MAP1B: variants seen among roughly 807,000 people sequenced by gnomAD.
MAP1B encodes the protein microtubule associated protein 1B.
In MAP1B, 12 loss-of-function variants were observed where a neutral mutation model predicts 176.1. The ratio of observed to expected loss-of-function variants is 0.07; its 90% CI spans 0.04 to 0.11. The LOEUF is 0.11. MAP1B is among the 10% of genes least tolerant of loss of function. MAP1B has a pLI of 1.00. For synonymous variants in MAP1B, 1,044 were observed against 1,135.0 expected (o/e 0.92, Z 1.61); for missense variants, 2,523 against 2,990.5 (o/e 0.84, Z 3.65).
Position 72,200,230 on chromosome 5 carries a change from A to C in MAP1B, c.6875A>C (p.Lys2292Thr). 6.2e-7 allele frequency: 1 copy of C among 1,614,224 alleles called. No individual in the cohort carries two copies. Among genetic ancestry groups the C allele is most frequent in the Non-Finnish European group, 8.5e-7 (1 of 1,180,030 alleles). ...GTGTCCAGGGTGGCTTCTCCTAAGA[A>C]GAAAGAATCTGTGGAAAAGGCAGCA... Reference protein sequence around the residue: ...DKVSRVASPKKKESVEKAAKP... With the variant: ...DKVSRVASPKTKESVEKAAKP... The change falls in exon 5 of 7, where the codon AAG becomes ACG. Residue 2292 changes from lysine to threonine, a missense_variant. This residue lies in a region of MAP1B where 287 missense variants were observed against 401.5 expected (regional missense o/e 0.71). Coordinates refer to ENST00000296755, the MANE Select transcript of MAP1B (RefSeq NM_005909.5).
At chr5:72,184,934 A>G (rs577269889) in intron 3 of MAP1B, among the ~76,000 whole-genome samples, 16 of 152,318 alleles carry the variant, frequency 1.1e-4, no homozygotes, top group African/African-American at 3.1e-4. Context: ...GAATACGTCT[A>G]TCACGCCCCA....
chr5:72,154,148 T>G lies in MAP1B; in HGVS notation c.287-29595T>G, dbSNP rs771784976. ...CATTTTCTTTATGACTCGTCTCTTA[T>G]TCCTAGCTCATTCTCGTGTGTCTAT... On this transcript the variant is annotated intron_variant, in intron 2 of 6. Coordinates refer to ENST00000296755, the MANE Select transcript of MAP1B (RefSeq NM_005909.5). 1.6e-4 allele frequency among the ~76,000 whole-genome samples: 24 copies of G among 152,218 alleles called. 1 individual carries two copies. Among genetic ancestry groups the G allele is most frequent in the African/African-American group, 4.8e-5 (2 of 41,448 alleles).
Position 72,198,952 on chromosome 5 carries a change from G to A in MAP1B, c.5597G>A (p.Gly1866Asp), listed in dbSNP as rs902731175. The change falls in exon 5 of 7, where the codon GGT (glycine) becomes GAT (aspartate). Residue 1866 changes from glycine to aspartate, a missense_variant. By Grantham distance (94) the Gly-to-Asp change is moderately conservative. Transcript: ENST00000296755. Reference sequence around the variant, plus strand: ...AAGGACAGTGGAGGGAAGACACCTGGTGACTTTAGCTATGCCTATCAAAAG... The same window carrying A: ...AAGGACAGTGGAGGGAAGACACCTGATGACTTTAGCTATGCCTATCAAAAG... Reference protein sequence around the residue: ...LEKDSGGKTPGDFSYAYQKPE... With the variant: ...LEKDSGGKTPDDFSYAYQKPE... 6 of 1,614,164 alleles carry A rather than the reference G, an allele frequency of 3.7e-6. No individual in the cohort carries two copies. Among genetic ancestry groups the A allele is most frequent in the Non-Finnish European group, 5.1e-6 (6 of 1,180,030 alleles).
At chr5:72,125,015 A>G (rs761993420) in intron 2 of MAP1B, among the ~76,000 whole-genome samples, 7 of 152,248 alleles carry the variant, frequency 4.6e-5, no homozygotes, top group Admixed American at 1.3e-4. Context: ...TCCTTAGTGC[A>G]GAGCCATTTT....
In MAP1B at chr5:72,207,050, C is replaced by T. The variant is rs998894878; in HGVS notation, c.*1811C>T. 1.3e-5 allele frequency: 2 copies of T among 152,088 alleles called. No homozygotes were observed. The highest frequency in any genetic ancestry group is 6.5e-5 in the Admixed American group (1 of 15,270). The allele number at this position is 152,088 out of a possible 1,614,324, so 9.4% of individuals were successfully genotyped here. On this transcript the variant is annotated 3_prime_UTR_variant, in exon 7 of 7. Coordinates refer to ENST00000296755, the MANE Select transcript of MAP1B (RefSeq NM_005909.5). ...GAAAAAAAAAATAAAAGAAATAGTA[C>T]ATTGAAAACAAATGAATTCTCAACT...
intron 4 of MAP1B, among the ~76,000 whole-genome samples, chr5:72,192,532 G>T (rs1231633041): frequency 6.6e-6 from 1 of 152,172 alleles, no homozygotes; most frequent in Non-Finnish European, 1.5e-5. Context: ...TCGAATATAG[G>T]AAAACTCAGA....
rs1014038990 is a variant in MAP1B at position 72,180,023 on chromosome 5, G to A, written c.287-3720G>A. Reference sequence around the variant, plus strand: ...CTGCCAGGGGCCACCTCGGCAGCAGGCGAGCTCACTGTGTGTTTGGGGAAG... The same window carrying A: ...CTGCCAGGGGCCACCTCGGCAGCAGACGAGCTCACTGTGTGTTTGGGGAAG... On this transcript the variant is annotated intron_variant, in intron 2 of 6. Coordinates refer to ENST00000296755, the MANE Select transcript of MAP1B (RefSeq NM_005909.5). 3.1e-5 allele frequency: 22 copies of A among 699,294 alleles called. No homozygotes were observed. The South Asian group carries it at 5.2e-4, about 16-fold the overall frequency. 43.3% of individuals were successfully genotyped at this position (699,294 alleles called of 1,614,324 possible). A position where few individuals can be genotyped will look rare whatever the true frequency, so the allele number is the denominator to read the frequency against.
In MAP1B at chr5:72,107,634, A is replaced by C; in HGVS notation, c.103A>C (p.Ser35Arg). The change falls in exon 1 of 7, where the codon AGC becomes CGC. Residue 35 changes from serine (S) to arginine (R), a missense_variant. Ser to Arg is a moderately radical substitution (Grantham distance 110). This residue lies in a region of MAP1B where 307 missense variants were observed against 438.4 expected (regional missense o/e 0.70). Transcript: ENST00000296755. ...SPSLSHRFLD[S>R]KFYLLVVVGE... Reference sequence around the variant, plus strand: ...TAGCCTGTCGCACCGCTTCCTTGACAGCAAGTTCTACTTGCTGGTGGTCGT... The same window carrying C: ...TAGCCTGTCGCACCGCTTCCTTGACCGCAAGTTCTACTTGCTGGTGGTCGT... 2 of 1,600,372 alleles carry C rather than the reference A, an allele frequency of 1.2e-6. No homozygotes were observed.
intron 2 of MAP1B, among the ~76,000 whole-genome samples, chr5:72,134,590 A>T (rs374057018): frequency 8.6e-5 from 13 of 151,288 alleles, no homozygotes; most frequent in Admixed American, 3.9e-4. Flanking sequence ...TTTTTTTTTT[A>T]AAGAAAACTT....
rs114841729 is a variant in MAP1B at position 72,136,069 on chromosome 5, C to T, written c.286+20270C>T. On this transcript the variant is annotated intron_variant, in intron 2 of 6. Transcript: ENST00000296755. Reference sequence around the variant, plus strand: ...CCATCTGAATCACCTGTCCTGATGCCCTTGTGTGGAATAAAGGAGAAGGCA... The same window carrying T: ...CCATCTGAATCACCTGTCCTGATGCTCTTGTGTGGAATAAAGGAGAAGGCA... 7.4e-3 allele frequency among the ~76,000 whole-genome samples: 1,124 copies of T among 152,176 alleles called. 7 individuals carry two copies. Among genetic ancestry groups the T allele is most frequent in the Non-Finnish European group, 0.013 (868 of 68,010 alleles).
At chr5:72,178,725 G>GGT (rs34082751) in intron 2 of MAP1B, among the ~76,000 whole-genome samples, 30,951 of 140,290 alleles carry the variant, frequency 0.22, 3,207 homozygotes, top group East Asian at 0.29. Context: ...GCCTCTGAGG[G>GGT]GTGTGTGTGT....
intron 1 of MAP1B, among the ~76,000 whole-genome samples, chr5:72,108,932 G>C (rs922566411): frequency 6.6e-6 from 1 of 152,234 alleles, no homozygotes; most frequent in Non-Finnish European, 1.5e-5. Flanking sequence ...TTCTCCTGGG[G>C]TGGTGCTGAA....
chr5:72,134,653 A>G (rs1437786148), intron 2 of MAP1B, among the ~76,000 whole-genome samples: 1 of 152,006 alleles, frequency 6.6e-6, no homozygotes, highest in Non-Finnish European at 1.5e-5. Flanking sequence ...TATACTCTGT[A>G]GTGGCACTCT....
intron 4 of MAP1B, among the ~76,000 whole-genome samples, chr5:72,190,393 A>T (rs1042680956): frequency 6.6e-6 from 1 of 152,238 alleles, no homozygotes; most frequent in Non-Finnish European, 1.5e-5. Flanking sequence ...TTGACTGTCA[A>T]CTAAAATCCC....
intron 2 of MAP1B, among the ~76,000 whole-genome samples, chr5:72,135,298 A>G (rs764130658): frequency 6.6e-6 from 1 of 152,180 alleles, no homozygotes; most frequent in Non-Finnish European, 1.5e-5. Context: ...TATGCCTGGT[A>G]CCTATCAACC....
chr5:72,177,402 G>A (rs551899805), intron 2 of MAP1B, among the ~76,000 whole-genome samples: 2 of 149,340 alleles, frequency 1.3e-5, no homozygotes, highest in East Asian at 3.9e-4. Context: ...AGAACCACCT[G>A]GGGGCTGCTT....
At position 72,194,622 on chromosome 5, in the gene MAP1B, T is replaced by C; in HGVS notation, c.1267T>C (p.Tyr423His). 1.2e-6 allele frequency: 2 copies of C among 1,614,138 alleles called. No individual in the cohort carries two copies. The highest frequency in any genetic ancestry group is 1.7e-6 in the Non-Finnish European group (2 of 1,180,038). The change falls in exon 5 of 7, where the codon TAT (tyrosine) becomes CAT (histidine). Residue 423 changes from tyrosine (Y) to histidine (H), a missense_variant. Physicochemically the swap from Tyr to His is moderately conservative, Grantham distance 83. Around this residue, in one of 4 missense-constraint regions of MAP1B, gnomAD observed 1,925 missense variants for 2,126.0 expected, o/e 0.91. Transcript: ENST00000296755. This position sits in a 1 kb window ranked among gnomAD's most constrained non-coding sequence, Gnocchi z 7.2. ...QKMGVGKLEM[Y>H]VLNPVKSSKE... is the part of the protein sequence containing the mutation. ...AATGGGAGTAGGTAAACTTGAGATG[T>C]ATGTGCTTAATCCAGTCAAGAGCAG...
chr5:72,183,874 T>C, intron 3 of MAP1B, 49 bp downstream of exon 3: 1 of 1,512,664 alleles, frequency 6.6e-7, no homozygotes, highest in Non-Finnish European at 9.2e-7. Flanking sequence ...ACACACTGGA[T>C]AGGGACCCAG....
chr5:72,109,998 G>C (rs1368039165), intron 1 of MAP1B, among the ~76,000 whole-genome samples: 1 of 152,158 alleles, frequency 6.6e-6, no homozygotes, highest in African/African-American at 2.4e-5. Flanking sequence ...ATGAAGAAGG[G>C]CTCCCTGCCT....
Sources: allele counts gnomAD v4.1 joint callset (sites outside exome capture counted in the v4.1 genomes callset), GRCh38; gene constraint gnomAD v4.1.1; regional missense constraint gnomAD v4.1.1; non-coding constraint Gnocchi (gnomAD v3.1); transcripts MANE v1.5; gene names NCBI Gene and HGNC (gene_info 2026-07-23, HGNC 2026-07-21).